Variants in CPSF6 observed in about 807,000 individuals in gnomAD.
CPSF6 encodes cleavage and polyadenylation specific factor 6, also known as cleavage and polyadenylation specificity factor subunit 6.
A neutral mutation model predicts 56.7 loss-of-function variants in CPSF6; 10 were observed. The ratio of observed to expected loss-of-function variants is 0.18; its 90% CI spans 0.11 to 0.30. The LOEUF (loss-of-function observed/expected upper bound fraction) is 0.30, where lower values mean the gene tolerates loss of function less well. CPSF6 is among the 10% of genes least tolerant of loss of function. The probability of loss-of-function intolerance (pLI) is 1.00; values close to 1 mark genes in which losing one functional copy is unlikely to be tolerated. For missense variants in CPSF6, 419 were observed against 722.9 expected, an observed-to-expected ratio of 0.58 and a Z score of 4.82; for synonymous variants, 248 against 244.8, an observed-to-expected ratio of 1.01 and a Z score of -0.12.
rs1871491143 is a variant in CPSF6, at chr12:69,239,664, C to T, written c.18C>T (p.Asp6=). MADGV[D]HIDIYADVGE... ...GAAGGAAGATGGCGGACGGCGTGGA[C>T]CACATAGACATTTACGCGGATGTCG... Residue 6 remains aspartate (D), a synonymous_variant, in exon 1 of 10, where the codon GAC becomes GAT. Coordinates refer to ENST00000435070, the MANE Select transcript of CPSF6 (RefSeq NM_007007.3). 6.3e-7 allele frequency: 1 copy of T among 1,589,460 alleles called. No individual in the cohort carries two copies. The highest frequency in any genetic ancestry group is 8.6e-7 in the Non-Finnish European group (1 of 1,169,140).
chr12:69,253,360 G>T (rs1223401571), intron 3 of CPSF6, among the ~76,000 whole-genome samples: 1 of 152,080 alleles, frequency 6.6e-6, no homozygotes, highest in Non-Finnish European at 1.5e-5. Flanking sequence ...AAAACCAGTA[G>T]AGTGGAAATG....
chr12:69,269,090 A>G (rs1337742601), intron 9 of CPSF6, among the ~76,000 whole-genome samples: 1 of 151,944 alleles, frequency 6.6e-6, no homozygotes, highest in African/African-American at 2.4e-5. Flanking sequence ...TTAGTTCAGC[A>G]TTTAATTGTT....
At chr12:69,262,696 A>G (rs1872798523) in intron 9 of CPSF6, 134 bp downstream of exon 9, 1 of 1,125,444 alleles carries the variant, frequency 8.9e-7, no homozygotes, top group African/African-American at 1.6e-5. Context: ...TTCTGGAAAC[A>G]TCTGAAACAA....
intron 4 of CPSF6, 84 bp downstream of exon 4, chr12:69,256,926 T>A: frequency 8.8e-7 from 1 of 1,141,852 alleles, no homozygotes; most frequent in Non-Finnish European, 1.2e-6. Context: ...GAAGTCATCT[T>A]AATACTAGCT....
intron 1 of CPSF6, among the ~76,000 whole-genome samples, chr12:69,240,069 C>T (rs1490156245): frequency 6.6e-6 from 1 of 151,504 alleles, no homozygotes; most frequent in African/African-American, 2.4e-5. Context: ...GCGGAGAGAA[C>T]TGGCCGCCGC....
chr12:69,265,534 A>G (rs1412207782), intron 9 of CPSF6, among the ~76,000 whole-genome samples: 2 of 150,896 alleles, frequency 1.3e-5, no homozygotes, highest in Admixed American at 1.3e-4. Context: ...CAAATCATCC[A>G]TGACAATTTT....
intron 3 of CPSF6, among the ~76,000 whole-genome samples, chr12:69,253,656 G>T (rs900281557): frequency 6.6e-5 from 10 of 152,036 alleles, no homozygotes; most frequent in Non-Finnish European, 1.2e-4. Context: ...TTTTAGTGAA[G>T]ATTCTTTTGG....
At chr12:69,239,979 G>C (rs1027913100) in intron 1 of CPSF6, among the ~76,000 whole-genome samples, 9 of 151,104 alleles carry the variant, frequency 6.0e-5, no homozygotes, top group Admixed American at 5.9e-4. Context: ...CGCCGGCGCT[G>C]CCTCGCTCCC....
At position 69,246,012 on chromosome 12, in the gene CPSF6, G is replaced by C. The variant is rs1290622292; in HGVS notation, c.61-5117G>C. 3.9e-5 allele frequency among the ~76,000 whole-genome samples: 6 copies of C among 152,092 alleles called. No homozygotes were observed. The South Asian group carries it at 1.2e-3, about 32-fold the overall frequency. On this transcript the variant is annotated intron_variant, in intron 1 of 9. Transcript: ENST00000435070. ...TGAGGCAGGAGAATTGCTTGAACCT[G>C]GGGGGCAGAGGCTGCAGTGAGCTGA... is the stretch of plus-strand genomic sequence containing the variant.
rs576328007 is a variant in CPSF6 at position 69,258,200 on chromosome 12, C to T, written c.694+295C>T. The T allele has an allele frequency of 7.2e-5, 68 of 950,520 alleles. 1 individual carries two copies. The South Asian group carries it at 1.0e-3, about 14-fold the overall frequency. The allele number at this position is 950,520 out of a possible 1,614,324, so 58.9% of individuals were successfully genotyped here. ...TTATATATAGAATATTTACATCCGT[C>T]TTACTTTCTTACCTCTTAAAAAAAT... is the stretch of plus-strand genomic sequence containing the variant. On this transcript the variant is annotated intron_variant, in intron 5 of 9. Coordinates refer to ENST00000435070, the MANE Select transcript of CPSF6 (RefSeq NM_007007.3). The surrounding 1 kb of genome is among the most constrained non-coding windows in gnomAD (Gnocchi z 4.2).
At chr12:69,265,598 CTTTT>C (rs56097101) in intron 9 of CPSF6, among the ~76,000 whole-genome samples, 4 of 99,786 alleles carry the variant, frequency 4.0e-5, no homozygotes, top group Admixed American at 1.1e-4. Context: ...TATCTGATTA[CTTTT>C]TTTTTTTTTT....
intron 9 of CPSF6, among the ~76,000 whole-genome samples, chr12:69,264,935 A>C (rs559705433): frequency 6.6e-6 from 1 of 152,316 alleles, no homozygotes; most frequent in Admixed American, 6.5e-5. Context: ...TTGAAAGCTA[A>C]AGTGAATGTC....
chr12:69,254,574 G>A (rs150242062), intron 3 of CPSF6, among the ~76,000 whole-genome samples: 2 of 152,248 alleles, frequency 1.3e-5, no homozygotes, highest in East Asian at 3.9e-4. Flanking sequence ...AGCTTAATGA[G>A]AACAGAGATT....
chr12:69,255,611 G>C (rs1872470596), intron 3 of CPSF6, among the ~76,000 whole-genome samples: 1 of 152,062 alleles, frequency 6.6e-6, no homozygotes. Flanking sequence ...GCGCAATCTT[G>C]GCTCATTGCA....
rs1409964112 is a variant in CPSF6, at chr12:69,260,037, C to T, written c.1316-7C>T. On this transcript the variant is annotated splice_polypyrimidine_tract_variant and splice_region_variant and intron_variant, in intron 7 of 9. Coordinates refer to ENST00000435070, the MANE Select transcript of CPSF6 (RefSeq NM_007007.3). Reference sequence around the variant, plus strand: ...TTTGACTTCAAACCCTTTCCTTTCCCTCACAGGTGATTATGGGAGTGCTAT... The same window carrying T: ...TTTGACTTCAAACCCTTTCCTTTCCTTCACAGGTGATTATGGGAGTGCTAT... 1 of 1,610,976 alleles carries T rather than the reference C, an allele frequency of 6.2e-7. No homozygotes were observed. Among genetic ancestry groups the T allele is most frequent in the Admixed American group, 1.7e-5 (1 of 59,368 alleles).
Position 69,239,723 on chromosome 12 carries a change from G to A in CPSF6, c.60+17G>A. On this transcript the variant is annotated intron_variant, in intron 1 of 9. Transcript: ENST00000435070. ...TTCAACCAGGTACGTGAGAGCCCAGGTCCCCGCCGCCGACGCGGGCGGCGC... is the reference window on the plus strand; with the variant it reads ...TTCAACCAGGTACGTGAGAGCCCAGATCCCCGCCGCCGACGCGGGCGGCGC... 1 of 1,568,282 alleles carries A rather than the reference G, an allele frequency of 6.4e-7. No individual in the cohort carries two copies. The highest frequency in any genetic ancestry group is 8.6e-7 in the Non-Finnish European group (1 of 1,157,994).
At chr12:69,244,993 T>A (rs966857053) in intron 1 of CPSF6, among the ~76,000 whole-genome samples, 7 of 151,846 alleles carry the variant, frequency 4.6e-5, no homozygotes, top group Non-Finnish European at 1.0e-4. Flanking sequence ...GTGTGGTGGT[T>A]CACACCTGTA....
At chr12:69,264,744 A>C (rs1872892826) in intron 9 of CPSF6, among the ~76,000 whole-genome samples, 1 of 152,184 alleles carries the variant, frequency 6.6e-6, no homozygotes, top group African/African-American at 2.4e-5. Flanking sequence ...TTGTGGATGT[A>C]GACTTGAATA....
At chr12:69,268,115 C>G (rs1406083903) in intron 9 of CPSF6, among the ~76,000 whole-genome samples, 1 of 151,724 alleles carries the variant, frequency 6.6e-6, no homozygotes, top group Non-Finnish European at 1.5e-5. Flanking sequence ...TATGCCTTGT[C>G]TCTCTCTAAT....
Sources: allele counts gnomAD v4.1 joint callset (sites outside exome capture counted in the v4.1 genomes callset), GRCh38; gene constraint gnomAD v4.1.1; non-coding constraint Gnocchi (gnomAD v3.1); transcripts MANE v1.5; gene names NCBI Gene and HGNC (gene_info 2026-07-23, HGNC 2026-07-21).